The following ZNF211 variants were observed in gnomAD, a reference collection of about 807,000 sequenced individuals.
ZNF211 encodes the protein zinc finger protein 211.
ZNF211 carries 18 observed loss-of-function variants against 12.1 expected under a neutral mutation model. The observed-to-expected ratio is 1.48, with a 90% CI of 1.03 to 2.20. The LOEUF (loss-of-function observed/expected upper bound fraction) is 2.20, where lower values mean the gene tolerates loss of function less well. ZNF211 is among the 30% of genes most tolerant of loss of function. The pLI, the probability that ZNF211 is intolerant of heterozygous loss-of-function variation, is 0.00. For synonymous variants in ZNF211, 249 were observed against 246.0 expected, an observed-to-expected ratio of 1.01 and a Z score of -0.11; for missense variants, 677 against 703.1, an observed-to-expected ratio of 0.96 and a Z score of 0.42.
At position 57,633,324 on chromosome 19, in the gene ZNF211, G is replaced by C. The variant is rs553271755; in HGVS notation, c.-23G>C. ...CTGAGGGTCGGGGGCAGAGCCGCCC[G>C]CGAGGCCGGCCTGGGGATAGCGATG... On this transcript the variant is annotated 5_prime_UTR_variant, in exon 1 of 4. Coordinates refer to ENST00000240731, the MANE Select transcript of ZNF211 (RefSeq NM_006385.5). The C allele has an allele frequency of 3.2e-6, 5 of 1,551,136 alleles. No homozygotes were observed. Among genetic ancestry groups the C allele is most frequent in the East Asian group, 2.3e-5 (1 of 42,710 alleles).
At chr19:57,638,014 T>C (rs1982363970) in intron 3 of ZNF211, among the ~76,000 whole-genome samples, 1 of 151,794 alleles carries the variant, frequency 6.6e-6, no homozygotes, top group Non-Finnish European at 1.5e-5. Context: ...TTCTCCTGCC[T>C]TGGCCTCCCG....
chr19:57,635,985 C>T (rs949956518), intron 3 of ZNF211, among the ~76,000 whole-genome samples: 3 of 152,126 alleles, frequency 2.0e-5, no homozygotes, highest in Non-Finnish European at 4.4e-5. Flanking sequence ...TGATATTGAG[C>T]ATCTATTCAT....
intron 1 of ZNF211, 76 bp from the exon 2 acceptor site, chr19:57,633,947 C>A: frequency 6.2e-7 from 1 of 1,606,744 alleles, no homozygotes; most frequent in Non-Finnish European, 8.5e-7. Context: ...TGGGCCGGGG[C>A]AAGGGTACAG....
At chr19:57,640,056 GCATGTCATCAGGTCTGT>G in intron 3 of ZNF211, 1 of 1,535,786 alleles carries the variant, frequency 6.5e-7, no homozygotes, top group Non-Finnish European at 8.7e-7. Context: ...TTGGGAAAAG[GCATGTCATCAGGTCTGT>G]GTTTAAATTG....
At chr19:57,636,225 T>G (rs1297071405) in intron 3 of ZNF211, among the ~76,000 whole-genome samples, 1 of 152,226 alleles carries the variant, frequency 6.6e-6, no homozygotes, top group Admixed American at 6.5e-5. Flanking sequence ...GATCCTTTGA[T>G]GTACAAGTTT....
In ZNF211 at chr19:57,633,243, T is replaced by A. The variant is rs1388983636; in HGVS notation, c.-104T>A. 2 of 1,182,736 alleles carry A rather than the reference T, an allele frequency of 1.7e-6. No homozygotes were observed. The highest frequency in any genetic ancestry group is 6.2e-5 in the Admixed American group (2 of 32,046). 73.3% of individuals were successfully genotyped at this position (1,182,736 alleles called of 1,614,324 possible). On this transcript the variant is annotated 5_prime_UTR_variant, in exon 1 of 4. Coordinates refer to ENST00000240731, the MANE Select transcript of ZNF211 (RefSeq NM_006385.5). ...GAGGTCCGTTCTGTCTGTCAGCCGCTTTGGTACGCTGCATCGGGATCGAAG... is the reference window on the plus strand; with the variant it reads ...GAGGTCCGTTCTGTCTGTCAGCCGCATTGGTACGCTGCATCGGGATCGAAG...
At chr19:57,639,687 A>G (rs1982626118) in intron 3 of ZNF211, among the ~76,000 whole-genome samples, 5 of 151,194 alleles carry the variant, frequency 3.3e-5, no homozygotes, top group Admixed American at 2.6e-4. Flanking sequence ...CAGCCTCCCA[A>G]AGTGCTGAGA....
chr19:57,634,567 C>T (rs1440694519), intron 2 of ZNF211, 62 bp from the exon 3 acceptor site: 1 of 1,467,538 alleles, frequency 6.8e-7, no homozygotes, highest in African/African-American at 1.4e-5. Flanking sequence ...TGTATGGGGA[C>T]ATGGATTTTG....
rs1028700685 is a variant in ZNF211 at position 57,639,861 on chromosome 19, G to A, written c.257-843G>A. The A allele has an allele frequency of 5.2e-5, 76 of 1,466,424 alleles. No homozygotes were observed. In the African/African-American group the frequency reaches 6.8e-4, roughly 13 times the overall value. 90.8% of individuals were successfully genotyped at this position (1,466,424 alleles called of 1,614,324 possible). On this transcript the variant is annotated intron_variant, in intron 3 of 3. Transcript: ENST00000240731. ...AACTTTCCTTGTTCTTTTTTGTGCC[G>A]TGTTGTTCTGGGCCAGTGTTAGTTG...
chr19:57,641,775 G>T lies in ZNF211; in HGVS notation c.1328G>T (p.Cys443Phe). The change falls in exon 4 of 4, where the codon TGT becomes TTT. Residue 443 changes from cysteine to phenylalanine, a missense_variant. Coordinates refer to ENST00000240731, the MANE Select transcript of ZNF211 (RefSeq NM_006385.5). ...GAAAGACCCTATGAGTGCAGTAAAT[G>T]TGGGAAGTCATTTAAGCAAAGCTCC... ...TGERPYECSK[C>F]GKSFKQSSSF... The T allele has an allele frequency of 6.2e-7, 1 of 1,614,082 alleles. No individual in the cohort carries two copies. Among genetic ancestry groups the T allele is most frequent in the Non-Finnish European group, 8.5e-7 (1 of 1,180,008 alleles).
chr19:57,633,458 C>T (rs1981696119), intron 1 of ZNF211, 22 bp downstream of exon 1: 1 of 1,575,312 alleles, frequency 6.3e-7, no homozygotes, highest in Non-Finnish European at 8.6e-7. Context: ...GATCTCCGGG[C>T]CTCCCCCGGC....
intron 3 of ZNF211, among the ~76,000 whole-genome samples, chr19:57,635,542 G>A (rs779387595): frequency 6.6e-6 from 1 of 152,152 alleles, no homozygotes; most frequent in Admixed American, 6.5e-5. Flanking sequence ...ATATCTTCAA[G>A]ATTCATCCAT....
chr19:57,641,370 C>A lies in ZNF211; in HGVS notation c.923C>A (p.Thr308Asn). ...TGCAATGAATGTGGAAAATTCTTTA[C>A]CTACTACTCCAGTTTCATTATACAT... ...YECNECGKFFTYYSSFIIHQR... is the reference protein window; with the variant it reads ...YECNECGKFFNYYSSFIIHQR... The change falls in exon 4 of 4, where the codon ACC becomes AAC. Residue 308 changes from threonine (T) to asparagine (N), a missense_variant. By Grantham distance (65) the Thr-to-Asn change is moderately conservative. Coordinates refer to ENST00000240731, the MANE Select transcript of ZNF211 (RefSeq NM_006385.5). 6.2e-7 allele frequency: 1 copy of A among 1,613,992 alleles called. No homozygotes were observed.
chr19:57,641,110 A>T lies in ZNF211; in HGVS notation c.663A>T (p.Thr221=). The change falls in exon 4 of 4, where the codon ACA becomes ACT. Residue 221 remains threonine, a synonymous_variant. Transcript: ENST00000240731. ...MRFLHQDATQ[T]GEKPNNSNKC... is the part of the protein sequence containing the mutation. ...TTCTCCATCAAGACGCCACTCAAAC[A>T]GGGGAGAAGCCAAATAACAGTAACA... is the stretch of plus-strand genomic sequence containing the variant. 1 of 1,614,204 alleles carries T rather than the reference A, an allele frequency of 6.2e-7. No homozygotes were observed. Among genetic ancestry groups the T allele is most frequent in the Non-Finnish European group, 8.5e-7 (1 of 1,180,032 alleles).
intron 3 of ZNF211, among the ~76,000 whole-genome samples, chr19:57,640,386 A>T (rs1173990327): frequency 6.6e-6 from 1 of 152,138 alleles, no homozygotes; most frequent in Non-Finnish European, 1.5e-5. Flanking sequence ...CTGGGCATAC[A>T]CTTCACAGCA....
rs114494390 is a variant in ZNF211 at position 57,643,207 on chromosome 19, G to C, written c.*1026G>C. On this transcript the variant is annotated 3_prime_UTR_variant, in exon 4 of 4. Transcript: ENST00000240731. The stretch of plus-strand genomic sequence containing the variant: ...TACAATTTAGTAGGCTACTGTCACT[G>C]TAAAATGATGGGGGAACCATAATTG... 6.6e-6 allele frequency among the ~76,000 whole-genome samples: 1 copy of C among 152,188 alleles called. No homozygotes were observed. Among genetic ancestry groups the C allele is most frequent in the East Asian group, 1.9e-4 (1 of 5,186 alleles).
intron 3 of ZNF211, chr19:57,640,090 G>C (rs1982695208): frequency 6.5e-7 from 1 of 1,530,262 alleles, no homozygotes; most frequent in Admixed American, 2.0e-5. Context: ...ATTGCACCAG[G>C]AACCTGTCCT....
intron 3 of ZNF211, among the ~76,000 whole-genome samples, chr19:57,638,323 G>A (rs532185096): frequency 4.7e-5 from 7 of 149,922 alleles, no homozygotes; most frequent in Non-Finnish European, 1.0e-4. Context: ...TTTTTTTCCT[G>A]CCAGCTTTGG....
Position 57,641,858 on chromosome 19 carries a change from T to C in ZNF211, c.1411T>C (p.Cys471Arg). 6.8e-6 allele frequency: 11 copies of C among 1,614,204 alleles called. No homozygotes were observed. Among genetic ancestry groups the C allele is most frequent in the Non-Finnish European group, 9.3e-6 (11 of 1,180,032 alleles). Residue 471 changes from cysteine (C) to arginine (R), a missense_variant, in exon 4 of 4, where the codon TGT (cysteine) becomes CGT (arginine). By Grantham distance (180) the Cys-to-Arg change is radical. Coordinates refer to ENST00000240731, the MANE Select transcript of ZNF211 (RefSeq NM_006385.5). ...TGERPYVCGECGKSFSHSSNL... is the reference protein window; with the variant it reads ...TGERPYVCGERGKSFSHSSNL... The stretch of plus-strand genomic sequence containing the variant: ...GGAAAGGCCTTATGTGTGTGGGGAA[T>C]GTGGGAAATCCTTTAGCCATAGCTC...
Sources: allele counts gnomAD v4.1 joint callset (sites outside exome capture counted in the v4.1 genomes callset), GRCh38; gene constraint gnomAD v4.1.1; transcripts MANE v1.5; gene names NCBI Gene and HGNC (gene_info 2026-07-23, HGNC 2026-07-21).